Variants in DENND1A observed in about 807,000 individuals in gnomAD.
DENND1A encodes DENN domain-containing protein 1A.
In DENND1A, 51 loss-of-function variants were observed where a neutral mutation model predicts 113.7. The ratio of observed to expected loss-of-function variants is 0.45; its 90% CI spans 0.36 to 0.57. The LOEUF (loss-of-function observed/expected upper bound fraction) is 0.57, where lower values mean the gene tolerates loss of function less well. Among genes scored for constraint, DENND1A ranks in the 20% least tolerant of loss-of-function variants. The probability of loss-of-function intolerance (pLI) is 0.00; values close to 1 mark genes in which losing one functional copy is unlikely to be tolerated. For missense variants in DENND1A, 1,258 were observed against 1,395.9 expected (o/e 0.90, Z 1.57); for synonymous variants, 565 against 570.8 (o/e 0.99, Z 0.14).
intron 5 of DENND1A, among the ~76,000 whole-genome samples, chr9:123,740,395 T>G (rs1012354072): frequency 1.3e-5 from 2 of 152,160 alleles, no homozygotes; most frequent in Non-Finnish European, 2.9e-5. Context: ...ATTAAACAAC[T>G]CCCATAGGCT....
At chr9:123,563,921 C>G (rs1421140708) in intron 12 of DENND1A, among the ~76,000 whole-genome samples, 2 of 152,158 alleles carry the variant, frequency 1.3e-5, no homozygotes, top group Non-Finnish European at 2.9e-5. Flanking sequence ...ATACAAGCCT[C>G]CAACTTTCTG....
intron 2 of DENND1A, chr9:123,843,145 T>C (rs1189679495): frequency 1.3e-5 from 7 of 553,254 alleles, no homozygotes; most frequent in Non-Finnish European, 1.8e-5. Context: ...TTCTCAATAT[T>C]GTAAACACAC....
intron 2 of DENND1A, among the ~76,000 whole-genome samples, chr9:123,869,145 C>T (rs1203883576): frequency 1.3e-5 from 2 of 152,160 alleles, no homozygotes; most frequent in East Asian, 1.9e-4. Flanking sequence ...TTAAAGAATA[C>T]AGTCACACTA....
At chr9:123,428,135 C>T (rs2045881556) in intron 19 of DENND1A, among the ~76,000 whole-genome samples, 1 of 147,542 alleles carries the variant, frequency 6.8e-6, no homozygotes, top group African/African-American at 2.6e-5. Flanking sequence ...GAAACCCTGT[C>T]TCTACAAAAA....
chr9:123,819,728 C>T (rs1778897), intron 2 of DENND1A, among the ~76,000 whole-genome samples: 1 of 151,756 alleles, frequency 6.6e-6, no homozygotes, highest in African/African-American at 2.4e-5. Flanking sequence ...AGTAGAGACA[C>T]GGTTTCACCA....
chr9:123,793,962 T>G (rs939028093), intron 2 of DENND1A, among the ~76,000 whole-genome samples: 2 of 152,208 alleles, frequency 1.3e-5, no homozygotes, highest in Non-Finnish European at 2.9e-5. Flanking sequence ...ATCAATTTCT[T>G]TCTTCACCCT....
intron 2 of DENND1A, among the ~76,000 whole-genome samples, chr9:123,835,186 C>A (rs924430801): frequency 2.7e-5 from 4 of 149,360 alleles, no homozygotes; most frequent in Non-Finnish European, 5.9e-5. Flanking sequence ...CCAAATAAAA[C>A]AGGAGAAAAT....
intron 9 of DENND1A, among the ~76,000 whole-genome samples, chr9:123,633,233 C>G (rs2061557746): frequency 6.6e-6 from 1 of 152,044 alleles, no homozygotes; most frequent in African/African-American, 2.4e-5. Flanking sequence ...TTAACTGGAC[C>G]ATAACTGGCT....
chr9:123,822,491 C>T (rs778872451), intron 2 of DENND1A, among the ~76,000 whole-genome samples: 7 of 152,266 alleles, frequency 4.6e-5, no homozygotes, highest in Middle Eastern at 3.4e-3. Context: ...GATGCATTTA[C>T]GACTAAGGAG....
chr9:123,401,848 T>C, intron 21 of DENND1A: 1 of 1,614,188 alleles, frequency 6.2e-7, no homozygotes, highest in Non-Finnish European at 8.5e-7. Context: ...GTCGGGAACT[T>C]GGCCGCAAAA....
chr9:123,801,166 T>A (rs904544572), intron 2 of DENND1A, among the ~76,000 whole-genome samples: 2 of 152,230 alleles, frequency 1.3e-5, no homozygotes, highest in Non-Finnish European at 2.9e-5. Flanking sequence ...TAGTAAAATA[T>A]ACATACAATT....
intron 5 of DENND1A, among the ~76,000 whole-genome samples, chr9:123,710,023 T>TA (rs1393162726): frequency 6.6e-6 from 1 of 152,208 alleles, no homozygotes; most frequent in Non-Finnish European, 1.5e-5. Flanking sequence ...AATAGCCAAG[T>TA]GGTAGCAAGT....
At chr9:123,738,269 T>C (rs2068719632) in intron 5 of DENND1A, among the ~76,000 whole-genome samples, 1 of 152,164 alleles carries the variant, frequency 6.6e-6, no homozygotes. Context: ...TTTTACAAAA[T>C]AAAAACCTGA....
chr9:123,894,506 A>T (rs537507949), intron 1 of DENND1A, among the ~76,000 whole-genome samples: 22 of 152,350 alleles, frequency 1.4e-4, no homozygotes, highest in African/African-American at 5.1e-4. Flanking sequence ...CCACGAATTG[A>T]TAAAACAAAA....
chr9:123,381,542 A>AGG lies in DENND1A; in HGVS notation c.3101_3102dup (p.Phe1035ProfsTer13). On this transcript the variant is annotated frameshift_variant, in exon 24 of 24. Coordinates refer to ENST00000394215, the MANE Select transcript of DENND1A (RefSeq NM_001352964.2). LOFTEE classifies it high-confidence loss of function. This position sits in a 1 kb window ranked among gnomAD's most constrained non-coding sequence, Gnocchi z 4.7. ...TTGGTTTTCTGTAACAAATCCTCAAAGGGGTCTCTGGCCTGTTGAGGAGCA... is the reference window on the plus strand; with the variant it reads ...TTGGTTTTCTGTAACAAATCCTCAAAGGGGGGTCTCTGGCCTGTTGAGGAGCA... 1 of 1,613,610 alleles carries AGG rather than the reference A, an allele frequency of 6.2e-7. No homozygotes were observed. The highest frequency in any genetic ancestry group is 8.5e-7 in the Non-Finnish European group (1 of 1,179,934).
intron 2 of DENND1A, among the ~76,000 whole-genome samples, chr9:123,794,169 T>G (rs1488767046): frequency 6.6e-6 from 1 of 151,104 alleles, no homozygotes. Flanking sequence ...GCACCAAGAG[T>G]GTGGCAGGAA....
At chr9:123,748,520 G>C (rs1365240275) in intron 5 of DENND1A, among the ~76,000 whole-genome samples, 3 of 152,094 alleles carry the variant, frequency 2.0e-5, no homozygotes, top group African/African-American at 7.2e-5. Context: ...AGAATGTTAG[G>C]CTTCCTACTG....
chr9:123,527,416 T>A (rs919964713), intron 13 of DENND1A, among the ~76,000 whole-genome samples: 13 of 152,208 alleles, frequency 8.5e-5, no homozygotes, highest in African/African-American at 3.1e-4. Context: ...TGATGTAGCT[T>A]ATAAGGTCCT....
intron 3 of DENND1A, among the ~76,000 whole-genome samples, chr9:123,789,605 G>A (rs1027258181): frequency 2.0e-5 from 3 of 152,038 alleles, no homozygotes; most frequent in Admixed American, 6.6e-5. Flanking sequence ...ATCATCCCAC[G>A]CAGACAACTG....
Sources: gnomAD v4.1 joint callset for allele counts (sites outside exome capture counted in the v4.1 genomes callset) on GRCh38, gnomAD v4.1.1 for gene constraint, Gnocchi (gnomAD v3.1) non-coding constraint, MANE v1.5 for transcripts, NCBI Gene and HGNC (gene_info 2026-07-23, HGNC 2026-07-21) for gene names.